The following GNG2 variants were observed in gnomAD, a reference collection of about 807,000 sequenced individuals.
GNG2 encodes the protein guanine nucleotide-binding protein G(I)/G(S)/G(O) subunit gamma-2.
GNG2 carries 5 observed loss-of-function variants against 5.5 expected under a neutral mutation model. The ratio of observed to expected loss-of-function variants is 0.91; its 90% confidence interval spans 0.48 to 1.92. The LOEUF (loss-of-function observed/expected upper bound fraction) is 1.92, where lower values mean the gene tolerates loss of function less well. GNG2 is among the 30% of genes most tolerant of loss of function. GNG2 has a pLI of 0.01. For synonymous variants in GNG2, 28 were observed against 32.0 expected (o/e 0.88, Z 0.42); for missense variants, 55 against 88.4 (o/e 0.62, Z 1.52).
At chr14:51,882,441 T>C (rs1465751182) in intron 2 of GNG2, among the ~76,000 whole-genome samples, 1 of 152,212 alleles carries the variant, frequency 6.6e-6, no homozygotes, top group Admixed American at 6.5e-5. Flanking sequence ...TCTGTTCCAT[T>C]ACTGGGAACA....
intron 2 of GNG2, among the ~76,000 whole-genome samples, chr14:51,926,738 C>A (rs1887351541): frequency 6.6e-6 from 1 of 152,180 alleles, no homozygotes. Flanking sequence ...CTTAGCAGGA[C>A]TGTGGCTTTG....
intron 2 of GNG2, among the ~76,000 whole-genome samples, chr14:51,890,205 T>C (rs1011466049): frequency 6.6e-6 from 1 of 152,182 alleles, no homozygotes; most frequent in African/African-American, 2.4e-5. Context: ...TTAGAATGCT[T>C]TTAGCCGCTC....
At chr14:51,950,191 T>C (rs1287328228) in intron 2 of GNG2, among the ~76,000 whole-genome samples, 2 of 152,224 alleles carry the variant, frequency 1.3e-5, no homozygotes, top group Non-Finnish European at 2.9e-5. Context: ...ATGATAGATG[T>C]GTCCCTGAGG....
At chr14:51,904,343 C>T (rs568732929) in intron 2 of GNG2, among the ~76,000 whole-genome samples, 2 of 152,286 alleles carry the variant, frequency 1.3e-5, no homozygotes, top group Admixed American at 1.3e-4. Context: ...GCAAGGGAGC[C>T]TGGGAAATGA....
At chr14:51,887,552 A>G (rs188293240) in intron 2 of GNG2, among the ~76,000 whole-genome samples, 82 of 152,332 alleles carry the variant, frequency 5.4e-4, no homozygotes, top group Non-Finnish European at 4.4e-4. Flanking sequence ...GTGGAATGCT[A>G]TCCTAAAGCA....
upstream of GNG2, among the ~76,000 whole-genome samples, chr14:51,855,859 A>C (rs1882131790): frequency 6.6e-6 from 1 of 152,142 alleles, no homozygotes; most frequent in South Asian, 2.1e-4. Context: ...GGGAAGAAAA[A>C]GTAGGGAGGG....
intron 1 of GNG2, among the ~76,000 whole-genome samples, chr14:51,875,947 C>CTTTTTTTTTTTTTTTTTT (rs10529707): frequency 7.1e-6 from 1 of 141,122 alleles, no homozygotes. Context: ...ACATTTTTTT[C>CTTTTTTTTTTTTTTTTTT]TTTTTTCCGA....
intron 2 of GNG2, among the ~76,000 whole-genome samples, chr14:51,949,739 G>T (rs572188933): frequency 2.0e-5 from 3 of 152,308 alleles, no homozygotes; most frequent in Admixed American, 6.5e-5. Context: ...AGTAAGATTT[G>T]TTCAGAATGT....
chr14:51,875,164 G>T (rs1883574007), intron 1 of GNG2, among the ~76,000 whole-genome samples: 1 of 152,184 alleles, frequency 6.6e-6, no homozygotes, highest in Non-Finnish European at 1.5e-5. Flanking sequence ...GGACTGGTAA[G>T]GTAGCTGTGC....
At chr14:51,829,390 C>T (rs1881120155) in intron 2 of GNG2, among the ~76,000 whole-genome samples, 1 of 152,270 alleles carries the variant, frequency 6.6e-6, no homozygotes, top group East Asian at 1.9e-4. Flanking sequence ...GGCCCCCAAA[C>T]ACTTACTCCC....
At chr14:51,837,731 C>T (rs1180636461) in intron 2 of GNG2, among the ~76,000 whole-genome samples, 1 of 151,590 alleles carries the variant, frequency 6.6e-6, no homozygotes, top group African/African-American at 2.4e-5. Context: ...AGGGAACCAG[C>T]AGGCAGTTGA....
chr14:51,932,189 G>A (rs947116603), intron 2 of GNG2, among the ~76,000 whole-genome samples: 1 of 131,886 alleles, frequency 7.6e-6, no homozygotes, highest in African/African-American at 2.8e-5. Flanking sequence ...GGAGCTTGCA[G>A]TGAGCCAAGA....
At chr14:51,895,184 T>G (rs1277015892) in intron 2 of GNG2, among the ~76,000 whole-genome samples, 1 of 152,176 alleles carries the variant, frequency 6.6e-6, no homozygotes, top group Non-Finnish European at 1.5e-5. Flanking sequence ...CATGGAGAAC[T>G]ACTAAATAGT....
intron 2 of GNG2, among the ~76,000 whole-genome samples, chr14:51,829,233 T>A (rs1356568103): frequency 6.6e-6 from 1 of 152,122 alleles, no homozygotes; most frequent in Non-Finnish European, 1.5e-5. Context: ...AGCCTAGACT[T>A]GTTACCATCC....
In GNG2 at chr14:51,966,234, A is replaced by AAAC. The variant is rs1383373787; in HGVS notation, c.88-323_88-322insCAA. Among the ~76,000 whole-genome samples, 237 of 150,010 alleles carry AAAC rather than the reference A, an allele frequency of 1.6e-3. 3 individuals carry two copies. The highest frequency in any genetic ancestry group is 5.7e-3 in the African/African-American group (231 of 40,496). On this transcript the variant is annotated intron_variant, in intron 3 of 3. Coordinates refer to ENST00000556766, the MANE Select transcript of GNG2 (RefSeq NM_053064.5). Reference sequence around the variant, plus strand: ...CAAAAAAAAAAAAAAAAAAAAAAAAAAAACAAATGAAGGAGACAGCCACCT... The same window carrying AAAC: ...CAAAAAAAAAAAAAAAAAAAAAAAAAAACAAACAAATGAAGGAGACAGCCACCT...
At chr14:51,899,541 T>C (rs1188194311) in intron 2 of GNG2, among the ~76,000 whole-genome samples, 1 of 152,198 alleles carries the variant, frequency 6.6e-6, no homozygotes, top group Non-Finnish European at 1.5e-5. Context: ...TCAACCATGA[T>C]CATCATCCAT....
chr14:51,870,192 G>C (rs1282904354), intron 1 of GNG2, among the ~76,000 whole-genome samples: 2 of 151,170 alleles, frequency 1.3e-5, no homozygotes, highest in Non-Finnish European at 2.9e-5. Context: ...CAAAAGCCTT[G>C]TTTTTGGCTA....
intron 2 of GNG2, among the ~76,000 whole-genome samples, chr14:51,921,149 G>T (rs1243960015): frequency 9.9e-5 from 15 of 152,186 alleles, no homozygotes; most frequent in Non-Finnish European, 1.5e-5. Flanking sequence ...AGATTGTGAG[G>T]GTTGAAATCC....
chr14:51,965,567 A>C (rs1248144556), intron 3 of GNG2, among the ~76,000 whole-genome samples: 1 of 152,220 alleles, frequency 6.6e-6, no homozygotes, highest in Non-Finnish European at 1.5e-5. Context: ...GCATCGCCAG[A>C]ATCAGTGACG....
Sources: gnomAD v4.1 joint callset for allele counts (sites outside exome capture counted in the v4.1 genomes callset) on GRCh38, gnomAD v4.1.1 for gene constraint, MANE v1.5 for transcripts, NCBI Gene and HGNC (gene_info 2026-07-23, HGNC 2026-07-21) for gene names.